GPHN: variants seen among roughly 807,000 people sequenced by gnomAD.
The protein encoded by GPHN is gephyrin.
GPHN carries 17 observed loss-of-function variants against 95.5 expected under a neutral mutation model. That is an observed-to-expected ratio of 0.18 (90% CI 0.12 to 0.27). GPHN has a LOEUF of 0.27. GPHN is among the 10% of genes least tolerant of loss of function. The probability of loss-of-function intolerance (pLI) is 1.00; values close to 1 mark genes in which losing one functional copy is unlikely to be tolerated. For missense variants in GPHN, 660 were observed against 978.1 expected (o/e 0.67, Z 4.34); for synonymous variants, 320 against 322.5 (o/e 0.99, Z 0.08).
the GPHN span, chr14:67,360,244 GT>G: frequency 2.5e-6 from 1 of 399,540 alleles, no homozygotes; most frequent in Non-Finnish European, 4.4e-6. Context: ...ATTCGTCCTT[GT>G]TCTCGGAGGA....
intron 8 of GPHN, among the ~76,000 whole-genome samples, chr14:66,960,524 G>C (rs2068828655): frequency 6.6e-6 from 1 of 151,850 alleles, no homozygotes; most frequent in South Asian, 2.1e-4. Context: ...TGATGTTTCT[G>C]TTGTTTGCTT....
chr14:67,383,279 C>G, the GPHN span: 170 of 1,605,794 alleles, frequency 1.1e-4, no homozygotes, highest in Non-Finnish European at 1.3e-4. Flanking sequence ...ATAGTATTTA[C>G]TACTTCAGTT....
intron 8 of GPHN, among the ~76,000 whole-genome samples, chr14:66,950,518 C>T (rs981508089): frequency 3.0e-4 from 45 of 152,094 alleles, no homozygotes; most frequent in Non-Finnish European, 6.3e-4. Flanking sequence ...TGCTCTATTC[C>T]TTCTATCTCA....
chr14:67,523,686 C>T, the GPHN span, among the ~76,000 whole-genome samples: 4 of 152,234 alleles, frequency 2.6e-5, no homozygotes, highest in East Asian at 7.7e-4. Context: ...CTGGCTTTGG[C>T]TCAAGATTGA....
At chr14:67,578,273 G>T in the GPHN span, 1 of 1,372,716 alleles carries the variant, frequency 7.3e-7, no homozygotes, top group African/African-American at 1.4e-5. This position sits in a 1 kb window ranked among gnomAD's most constrained non-coding sequence, Gnocchi z 5.0. Flanking sequence ...GTGGGAGGAG[G>T]TGACTGGGCA....
chr14:67,378,220 A>G, the GPHN span, among the ~76,000 whole-genome samples: 447 of 152,090 alleles, frequency 2.9e-3, 3 homozygotes, highest in African/African-American at 0.01. Context: ...GAGGGGGGAA[A>G]AAAGAGAATG....
rs148659205 is a variant in GPHN, at chr14:66,871,304, C to T, written c.295-8635C>T. ...TATCTGTTGATATTTCCCTTCATGT[C>T]CCTGAATAAAGTGTGCTACTATACT... On this transcript the variant is annotated intron_variant, in intron 4 of 22. Coordinates refer to ENST00000478722, the MANE Select transcript of GPHN (RefSeq NM_020806.5). Among the ~76,000 whole-genome samples, 301 of 152,266 alleles carry T rather than the reference C, an allele frequency of 2.0e-3. 1 individual carries two copies. Among genetic ancestry groups the T allele is most frequent in the African/African-American group, 7.0e-3 (291 of 41,540 alleles).
At chr14:67,137,927 A>C (rs2080195121) in intron 17 of GPHN, among the ~76,000 whole-genome samples, 1 of 152,220 alleles carries the variant, frequency 6.6e-6, no homozygotes. Context: ...ATATACCTAG[A>C]AAACTTAATC....
chr14:67,109,872 A>C (rs2078267734), intron 13 of GPHN, among the ~76,000 whole-genome samples: 1 of 152,200 alleles, frequency 6.6e-6, no homozygotes, highest in Non-Finnish European at 1.5e-5. Context: ...TGTAAATGGC[A>C]GTTCTTCAAA....
chr14:66,612,262 T>A (rs960089847), intron 1 of GPHN, among the ~76,000 whole-genome samples: 1 of 152,006 alleles, frequency 6.6e-6, no homozygotes, highest in Admixed American at 6.6e-5. Flanking sequence ...TAAAAATGTT[T>A]TCTTCTAACT....
intron 9 of GPHN, among the ~76,000 whole-genome samples, chr14:66,994,793 A>G (rs1408220339): frequency 6.6e-6 from 1 of 152,204 alleles, no homozygotes; most frequent in African/African-American, 2.4e-5. Context: ...ACATGTATAG[A>G]ATTTACCATA....
chr14:67,289,160 G>A, the GPHN span, among the ~76,000 whole-genome samples: 8 of 151,660 alleles, frequency 5.3e-5, no homozygotes, highest in East Asian at 1.6e-3. Flanking sequence ...TAGACCTGGA[G>A]TTTTGCCATG....
intron 3 of GPHN, among the ~76,000 whole-genome samples, chr14:66,792,236 A>C (rs189884070): frequency 1.3e-3 from 204 of 152,242 alleles, no homozygotes; most frequent in African/African-American, 4.7e-3. Flanking sequence ...CCTAGCCCTT[A>C]TTTAAGATGG....
intron 2 of GPHN, among the ~76,000 whole-genome samples, chr14:66,707,499 A>G (rs1388903317): frequency 2.0e-5 from 3 of 152,136 alleles, no homozygotes; most frequent in African/African-American, 7.2e-5. Context: ...AGAGAATGCG[A>G]TCATGTCCTT....
chr14:67,321,101 T>C, the GPHN span: 1 of 1,614,136 alleles, frequency 6.2e-7, no homozygotes, highest in Non-Finnish European at 8.5e-7. Flanking sequence ...CGGTAGAGAT[T>C]ACCACTTTGT....
intron 13 of GPHN, among the ~76,000 whole-genome samples, chr14:67,101,597 G>A (rs1012405888): frequency 6.6e-6 from 1 of 150,934 alleles, no homozygotes; most frequent in African/African-American, 2.4e-5. Flanking sequence ...TCTTTCTTAC[G>A]TAAACCACAC....
At chr14:66,700,690 C>T (rs1270725591) in intron 2 of GPHN, among the ~76,000 whole-genome samples, 4 of 152,022 alleles carry the variant, frequency 2.6e-5, no homozygotes, top group Non-Finnish European at 4.4e-5. Flanking sequence ...CCTTGGGGGC[C>T]GAGGCGGGTG....
chr14:67,071,571 A>C (rs1446696277), intron 11 of GPHN, among the ~76,000 whole-genome samples: 1 of 152,106 alleles, frequency 6.6e-6, no homozygotes, highest in African/African-American at 2.4e-5. Flanking sequence ...AACATGGCAC[A>C]TGTATACATA....
At chr14:66,779,226 A>T (rs1482603152) in intron 3 of GPHN, among the ~76,000 whole-genome samples, 2 of 152,208 alleles carry the variant, frequency 1.3e-5, no homozygotes, top group East Asian at 3.9e-4. Flanking sequence ...CAAGAAATTT[A>T]TTCCAACTTT....
Sources: gnomAD v4.1 joint callset for allele counts (sites outside exome capture counted in the v4.1 genomes callset) on GRCh38, gnomAD v4.1.1 for gene constraint, Gnocchi (gnomAD v3.1) non-coding constraint, MANE v1.5 for transcripts, NCBI Gene and HGNC (gene_info 2026-07-23, HGNC 2026-07-21) for gene names.